Variants in IRF2BPL observed in about 807,000 individuals in gnomAD.
The protein encoded by IRF2BPL is interferon regulatory factor 2 binding protein like.
Under a neutral mutation model 51.2 loss-of-function variants are expected in IRF2BPL, and 13 were observed. That is an observed-to-expected ratio of 0.25 (90% CI 0.17 to 0.40). The LOEUF (loss-of-function observed/expected upper bound fraction) is 0.40, where lower values mean the gene tolerates loss of function less well. Ranked by LOEUF, IRF2BPL falls within the 10% of genes least tolerant of loss-of-function variation. The pLI, the probability that IRF2BPL is intolerant of heterozygous loss-of-function variation, is 1.00. For missense variants in IRF2BPL, 1,210 were observed against 1,111.8 expected, an observed-to-expected ratio of 1.09 and a Z score of -1.26; for synonymous variants, 768 against 509.2, an observed-to-expected ratio of 1.51 and a Z score of -6.84.
Position 77,027,787 on chromosome 14 carries a change from C to G in IRF2BPL, c.6G>C (p.Ser2=), listed in dbSNP as rs145125439. 1,614 of 1,572,376 alleles carry G rather than the reference C, an allele frequency of 1.0e-3. 2 individuals are homozygous for G. Among genetic ancestry groups the G allele is most frequent in the Admixed American group, 2.7e-3 (154 of 57,510 alleles). M[S]AAQVSSSRRQ... is the part of the protein sequence containing the mutation. The stretch of plus-strand genomic sequence containing the variant: ...TCCGGGACGAGGACACCTGCGCCGC[C>G]GACATGATGCCTGCCCTGGGGAAGG... The change falls in exon 1 of 1, where the codon TCG becomes TCC. Residue 2 remains serine (S), a synonymous_variant. Coordinates refer to ENST00000238647, the MANE Select transcript of IRF2BPL (RefSeq NM_024496.4).
chr14:77,028,039 C>T lies in IRF2BPL; in HGVS notation c.-247G>A. ...CTCTCTTCGCCCCCACCTCCTACTG[C>T]GGTTGACTCGTCGCGAGGGGAGCTC... On this transcript the variant is annotated 5_prime_UTR_variant, in exon 1 of 1. Transcript: ENST00000238647. 2.4e-6 allele frequency: 1 copy of T among 409,598 alleles called. No homozygotes were observed. The highest frequency in any genetic ancestry group is 4.4e-6 in the Non-Finnish European group (1 of 227,862). The allele number at this position is 409,598 out of a possible 1,614,324, so 25.4% of individuals were successfully genotyped here.
In IRF2BPL at chr14:77,027,818, C is replaced by G; in HGVS notation, c.-26G>C. Reference sequence around the variant, plus strand: ...GATGCCTGCCCTGGGGAAGGTAGGCCCCCGCCCGGGCTGTCTCCGCGGCGC... The same window carrying G: ...GATGCCTGCCCTGGGGAAGGTAGGCGCCCGCCCGGGCTGTCTCCGCGGCGC... On this transcript the variant is annotated 5_prime_UTR_variant, in exon 1 of 1. Transcript: ENST00000238647. 6.7e-7 allele frequency: 1 copy of G among 1,495,388 alleles called. No homozygotes were observed. Among genetic ancestry groups the G allele is most frequent in the East Asian group, 2.6e-5 (1 of 38,230 alleles). 92.6% of individuals were successfully genotyped at this position (1,495,388 alleles called of 1,614,324 possible). A position where few individuals can be genotyped will look rare whatever the true frequency, so the allele number is the denominator to read the frequency against.
rs775246109 is a variant in IRF2BPL, at chr14:77,027,001, G to C, written c.792C>G (p.Gly264=). 19 of 1,504,362 alleles carry C rather than the reference G, an allele frequency of 1.3e-5. No individual in the cohort carries two copies. The highest frequency in any genetic ancestry group is 2.5e-5 in the East Asian group (1 of 40,590). 93.2% of individuals were successfully genotyped at this position (1,504,362 alleles called of 1,614,324 possible). A position where few individuals can be genotyped will look rare whatever the true frequency, so the allele number is the denominator to read the frequency against. ...PNLLPQTLLN[G]PASAAVLPPP... is the part of the protein sequence containing the mutation. Reference sequence around the variant, plus strand: ...GGGGGAGTACCGCAGCGCTGGCCGGGCCGTTAAGCAGCGTCTGCGGTAGCA... The same window carrying C: ...GGGGGAGTACCGCAGCGCTGGCCGGCCCGTTAAGCAGCGTCTGCGGTAGCA... Residue 264 remains glycine, a synonymous_variant, in exon 1 of 1, where the codon GGC becomes GGG. Coordinates refer to ENST00000238647, the MANE Select transcript of IRF2BPL (RefSeq NM_024496.4).
At position 77,027,325 on chromosome 14, in the gene IRF2BPL, G is replaced by GGCGGCGGCA. The variant is rs1415022232; in HGVS notation, c.459_467dup (p.Ala162_Ala164dup). On this transcript the variant is annotated inframe_insertion, in exon 1 of 1. Coordinates refer to ENST00000238647, the MANE Select transcript of IRF2BPL (RefSeq NM_024496.4). The stretch of plus-strand genomic sequence containing the variant: ...CCGCAGCGGCGGCGGCGGCGGCGGC[G>GGCGGCGGCA]GCGGCGGCAGCGCTTAGGCCGTAGC... 7 of 1,533,138 alleles carry GGCGGCGGCA rather than the reference G, an allele frequency of 4.6e-6. No individual in the cohort carries two copies. The highest frequency in any genetic ancestry group is 4.5e-5 in the Admixed American group (2 of 44,888). 95.0% of individuals were successfully genotyped at this position (1,533,138 alleles called of 1,614,324 possible).
rs777625782 is a variant in IRF2BPL, at chr14:77,025,670, G to A, written c.2123C>T (p.Ala708Val). ...HPQNIPDSPM[A>V]NSGPLCCTIC... is the part of the protein sequence containing the mutation. Reference sequence around the variant, plus strand: ...GGTGCAGCAGAGGGGTCCGCTGTTGGCCATGGGGGAATCCGGAATGTTTTG... The same window carrying A: ...GGTGCAGCAGAGGGGTCCGCTGTTGACCATGGGGGAATCCGGAATGTTTTG... The change falls in exon 1 of 1, where the codon GCC becomes GTC. Residue 708 changes from alanine (A) to valine (V), a missense_variant. Ala to Val is a moderately conservative substitution (Grantham distance 64, BLOSUM62 0). Transcript: ENST00000238647. 4 of 1,563,186 alleles carry A rather than the reference G, an allele frequency of 2.6e-6. No homozygotes were observed. In the South Asian group the frequency reaches 4.8e-5, roughly 19 times the overall value.
Position 77,026,455 on chromosome 14 carries a change from C to A in IRF2BPL, c.1338G>T (p.Met446Ile). The A allele has an allele frequency of 6.2e-7, 1 of 1,613,608 alleles. No homozygotes were observed. Among genetic ancestry groups the A allele is most frequent in the Non-Finnish European group, 8.5e-7 (1 of 1,180,024 alleles). ...GVAKQMYQDCMKDFGRGLSSG... is the reference protein window; with the variant it reads ...GVAKQMYQDCIKDFGRGLSSG... ...AGGATAGGCCCCGGCCGAAGTCCTT[C>A]ATGCAGTCCTGATACATCTGCTTGG... The change falls in exon 1 of 1, where the codon ATG (methionine) becomes ATT (isoleucine). Residue 446 changes from methionine (M) to isoleucine (I), a missense_variant. By Grantham distance (10) the Met-to-Ile change is conservative. Transcript: ENST00000238647.
In IRF2BPL at chr14:77,024,647, G is replaced by GTC. The variant is rs1885053761; in HGVS notation, c.*753_*754dup. ...AGGACAAACAGAGCAGATTCTCCAT[G>GTC]TCTAGCATTTCGCTCTACTGTTCAA... On this transcript the variant is annotated 3_prime_UTR_variant, in exon 1 of 1. Coordinates refer to ENST00000238647, the MANE Select transcript of IRF2BPL (RefSeq NM_024496.4). The GTC allele has an allele frequency of 1.3e-5, 2 of 152,556 alleles. No homozygotes were observed. The highest frequency in any genetic ancestry group is 4.8e-5 in the African/African-American group (2 of 41,436). The allele number at this position is 152,556 out of a possible 1,614,324, so 9.5% of individuals were successfully genotyped here.
At position 77,027,848 on chromosome 14, in the gene IRF2BPL, T is replaced by A. The variant is rs1030750880; in HGVS notation, c.-56A>T. ...CCCGGGCTGTCTCCGCGGCGCCTTC[T>A]CCTCCGGGAGGACTGGCCGGCTGGG... is the stretch of plus-strand genomic sequence containing the variant. On this transcript the variant is annotated 5_prime_UTR_variant, in exon 1 of 1. Coordinates refer to ENST00000238647, the MANE Select transcript of IRF2BPL (RefSeq NM_024496.4). 7.0e-7 allele frequency: 1 copy of A among 1,432,256 alleles called. No homozygotes were observed. Among genetic ancestry groups the A allele is most frequent in the East Asian group, 2.8e-5 (1 of 35,984 alleles). 88.7% of individuals were successfully genotyped at this position (1,432,256 alleles called of 1,614,324 possible). A position where few individuals can be genotyped will look rare whatever the true frequency, so the allele number is the denominator to read the frequency against.
rs752772599 is a variant in IRF2BPL, at chr14:77,027,577, C to G, written c.216G>C (p.Pro72=). ...GCFQDGRSPG[P]PPPVGVKTVA... ...CTGTCTTGACCCCGACGGGCGGCGG[C>G]GGCCCGGGGGAGCGGCCGTCCTGGA... Residue 72 remains proline (P), a synonymous_variant, in exon 1 of 1, where the codon CCG becomes CCC. Coordinates refer to ENST00000238647, the MANE Select transcript of IRF2BPL (RefSeq NM_024496.4). 1.4e-5 allele frequency: 21 copies of G among 1,541,656 alleles called. No homozygotes were observed. In the Admixed American group the frequency reaches 1.9e-4, roughly 14 times the overall value.
Position 77,027,511 on chromosome 14 carries a change from TGCTGCC to T in IRF2BPL, c.276_281del (p.Ala101_Ala102del). 1.6e-6 allele frequency: 1 copy of T among 623,602 alleles called. No individual in the cohort carries two copies. The highest frequency in any genetic ancestry group is 2.0e-6 in the Non-Finnish European group (1 of 495,536). 38.6% of individuals were successfully genotyped at this position (623,602 alleles called of 1,614,324 possible). A position where few individuals can be genotyped will look rare whatever the true frequency, so the allele number is the denominator to read the frequency against. On this transcript the variant is annotated inframe_deletion, in exon 1 of 1. Transcript: ENST00000238647. ...GCGCGGCGGCGGCGGCGGCCGCCGC[TGCTGCC>T]GCCGCCGCCGCCGCTTCCTTAGCCG...
Position 77,026,338 on chromosome 14 carries a change from G to C in IRF2BPL, c.1455C>G (p.Phe485Leu). 1 of 1,595,882 alleles carries C rather than the reference G, an allele frequency of 6.3e-7. No individual in the cohort carries two copies. The highest frequency in any genetic ancestry group is 8.5e-7 in the Non-Finnish European group (1 of 1,172,232). The change falls in exon 1 of 1, where the codon TTC becomes TTG. Residue 485 changes from phenylalanine (F) to leucine (L), a missense_variant. Transcript: ENST00000238647. ...TGTCGGCGCCGGGCACGCCCTCCTT[G>C]AAGAAGCGCACGGCTTCGGGGAGCA... is the stretch of plus-strand genomic sequence containing the variant. ...GDLLPEAVRFFKEGVPGADML... is the reference protein window; with the variant it reads ...GDLLPEAVRFLKEGVPGADML...
rs989739962 is a variant in IRF2BPL at position 77,024,641 on chromosome 14, C to G, written c.*761G>C. ...GTATAAAGGACAAACAGAGCAGATT[C>G]TCCATGTCTAGCATTTCGCTCTACT... On this transcript the variant is annotated 3_prime_UTR_variant, in exon 1 of 1. Transcript: ENST00000238647. 2 of 152,600 alleles carry G rather than the reference C, an allele frequency of 1.3e-5. No homozygotes were observed. Among genetic ancestry groups the G allele is most frequent in the Admixed American group, 6.5e-5 (1 of 15,276 alleles). The allele number at this position is 152,600 out of a possible 1,614,324, so 9.5% of individuals were successfully genotyped here.
Position 77,027,601 on chromosome 14 carries a change from G to A in IRF2BPL, c.192C>T (p.Phe64=), listed in dbSNP as rs1378476861. Reference sequence around the variant, plus strand: ...GCGGCCCGGGGGAGCGGCCGTCCTGGAAGCAGCCGTGCGCCCGCTTCAGCT... The same window carrying A: ...GCGGCCCGGGGGAGCGGCCGTCCTGAAAGCAGCCGTGCGCCCGCTTCAGCT... ...ARQLKRAHGC[F]QDGRSPGPPP... is the part of the protein sequence containing the mutation. Residue 64 remains phenylalanine (F), a synonymous_variant, in exon 1 of 1, where the codon TTC becomes TTT. Coordinates refer to ENST00000238647, the MANE Select transcript of IRF2BPL (RefSeq NM_024496.4). 25 of 1,593,614 alleles carry A rather than the reference G, an allele frequency of 1.6e-5. No homozygotes were observed. Among genetic ancestry groups the A allele is most frequent in the Non-Finnish European group, 2.0e-5 (23 of 1,171,370 alleles).
rs749636443 is a variant in IRF2BPL at position 77,027,514 on chromosome 14, TGCC to T, written c.276_278del (p.Ala102del). 62 of 647,520 alleles carry T rather than the reference TGCC, an allele frequency of 9.6e-5. No homozygotes were observed. The highest frequency in any genetic ancestry group is 2.3e-4 in the South Asian group (4 of 17,320). 40.1% of individuals were successfully genotyped at this position (647,520 alleles called of 1,614,324 possible). ...CGGCGGCGGCGGCGGCCGCCGCTGCTGCCGCCGCCGCCGCCGCTTCCTTAGCCG... is the reference window on the plus strand; with the variant it reads ...CGGCGGCGGCGGCGGCCGCCGCTGCTGCCGCCGCCGCCGCTTCCTTAGCCG... On this transcript the variant is annotated inframe_deletion, in exon 1 of 1. Coordinates refer to ENST00000238647, the MANE Select transcript of IRF2BPL (RefSeq NM_024496.4).
rs1334274312 is a variant in IRF2BPL, at chr14:77,027,909, G to A, written c.-117C>T. 13 of 1,282,578 alleles carry A rather than the reference G, an allele frequency of 1.0e-5. No homozygotes were observed. In the Admixed American group the frequency reaches 1.3e-4, roughly 13 times the overall value. The allele number at this position is 1,282,578 out of a possible 1,614,324, so 79.4% of individuals were successfully genotyped here. ...GACTGCGGGGGAGGGAGGAGGGGGG[G>A]CGAGAAAGTTCTGCCCCAGGGGCTG... is the stretch of plus-strand genomic sequence containing the variant. On this transcript the variant is annotated 5_prime_UTR_variant, in exon 1 of 1. Transcript: ENST00000238647.
Position 77,027,824 on chromosome 14 carries a change from C to A in IRF2BPL, c.-32G>T. The A allele has an allele frequency of 1.4e-6, 2 of 1,480,714 alleles. No individual in the cohort carries two copies. The highest frequency in any genetic ancestry group is 2.7e-5 in the East Asian group (1 of 37,726). The allele number at this position is 1,480,714 out of a possible 1,614,324, so 91.7% of individuals were successfully genotyped here. Reference sequence around the variant, plus strand: ...TGCCCTGGGGAAGGTAGGCCCCCGCCCGGGCTGTCTCCGCGGCGCCTTCTC... The same window carrying A: ...TGCCCTGGGGAAGGTAGGCCCCCGCACGGGCTGTCTCCGCGGCGCCTTCTC... On this transcript the variant is annotated 5_prime_UTR_variant, in exon 1 of 1. Coordinates refer to ENST00000238647, the MANE Select transcript of IRF2BPL (RefSeq NM_024496.4).
At position 77,026,285 on chromosome 14, in the gene IRF2BPL, C is replaced by G. The variant is rs761312458; in HGVS notation, c.1508G>C (p.Ser503Thr). The G allele has an allele frequency of 6.6e-7, 1 of 1,516,474 alleles. No individual in the cohort carries two copies. The highest frequency in any genetic ancestry group is 8.8e-7 in the Non-Finnish European group (1 of 1,133,422). 93.9% of individuals were successfully genotyped at this position (1,516,474 alleles called of 1,614,324 possible). The change falls in exon 1 of 1, where the codon AGC (serine) becomes ACC (threonine). Residue 503 changes from serine to threonine, a missense_variant. By Grantham distance (58) the Ser-to-Thr change is moderately conservative. Transcript: ENST00000238647. Reference sequence around the variant, plus strand: ...CAGAGCAGTGGGCAGCATGGGACAGCTGGCGTCCAGGTAGGGCTGGGGCAG... The same window carrying G: ...CAGAGCAGTGGGCAGCATGGGACAGGTGGCGTCCAGGTAGGGCTGGGGCAG... ...DMLPQPYLDA[S>T]CPMLPTALVS... is the part of the protein sequence containing the mutation.
At position 77,028,238 on chromosome 14, in the gene IRF2BPL, G is replaced by C; in HGVS notation, c.-446C>G. 2 of 228,676 alleles carry C rather than the reference G, an allele frequency of 8.7e-6. No homozygotes were observed. Among genetic ancestry groups the C allele is most frequent in the Non-Finnish European group, 1.8e-5 (2 of 109,052 alleles). 14.2% of individuals were successfully genotyped at this position (228,676 alleles called of 1,614,324 possible). On this transcript the variant is annotated 5_prime_UTR_variant, in exon 1 of 1. Transcript: ENST00000238647. ...CCTCTCCCCGGGGACCCCCCTACGA[G>C]CTGCGTCCTCTCCCCGACGGGCCCC...
chr14:77,027,895 A>T lies in IRF2BPL; in HGVS notation c.-103T>A, dbSNP rs987833223. 1.1e-5 allele frequency: 14 copies of T among 1,249,068 alleles called. No individual in the cohort carries two copies. The highest frequency in any genetic ancestry group is 1.5e-5 in the Non-Finnish European group (14 of 951,476). The allele number at this position is 1,249,068 out of a possible 1,614,324, so 77.4% of individuals were successfully genotyped here. A position where few individuals can be genotyped will look rare whatever the true frequency, so the allele number is the denominator to read the frequency against. ...TGGGGAGGGAGTCCGACTGCGGGGG[A>T]GGGAGGAGGGGGGGCGAGAAAGTTC... On this transcript the variant is annotated 5_prime_UTR_variant, in exon 1 of 1. Coordinates refer to ENST00000238647, the MANE Select transcript of IRF2BPL (RefSeq NM_024496.4).
Sources: allele counts gnomAD v4.1 joint callset, GRCh38; gene constraint gnomAD v4.1.1; transcripts MANE v1.5; gene names NCBI Gene and HGNC (gene_info 2026-07-23, HGNC 2026-07-21).